CDH12: variants seen among roughly 807,000 people sequenced by gnomAD.
The protein encoded by CDH12 is cadherin-12.
A neutral mutation model predicts 74.1 loss-of-function variants in CDH12; 41 were observed. The observed-to-expected ratio is 0.55, with a 90% CI of 0.43 to 0.72. CDH12 has a LOEUF of 0.72. CDH12 is among the 30% of genes least tolerant of loss of function. The pLI is 0.00. For missense variants in CDH12, 945 were observed against 977.2 expected (o/e 0.97, Z 0.44); for synonymous variants, 399 against 355.0 (o/e 1.12, Z -1.39).
chr5:22,506,098 G>A (rs1017362159), intron 1 of CDH12, among the ~76,000 whole-genome samples: 13 of 152,086 alleles, frequency 8.5e-5, no homozygotes, highest in South Asian at 2.1e-4. Flanking sequence ...ATTTTGATCA[G>A]CTGACTGGGG....
At chr5:22,538,874 G>A (rs1276029555) in intron 1 of CDH12, among the ~76,000 whole-genome samples, 1 of 152,068 alleles carries the variant, frequency 6.6e-6, no homozygotes, top group Non-Finnish European at 1.5e-5. Flanking sequence ...CATATAATAA[G>A]GTATGCAACT....
chr5:22,811,506 A>AATAGAGG (rs1306812612), intron 1 of CDH12, among the ~76,000 whole-genome samples: 2 of 152,178 alleles, frequency 1.3e-5, no homozygotes, highest in East Asian at 3.9e-4. Flanking sequence ...CCAGTGATAA[A>AATAGAGG]ATAGAGGCAT....
intron 2 of CDH12, among the ~76,000 whole-genome samples, chr5:22,498,737 A>T (rs927619211): frequency 6.6e-6 from 1 of 151,862 alleles, no homozygotes; most frequent in Non-Finnish European, 1.5e-5. Flanking sequence ...TAATTGTATA[A>T]GTTTACAGGG....
chr5:22,374,702 T>C (rs1348361143), intron 3 of CDH12, among the ~76,000 whole-genome samples: 3 of 151,846 alleles, frequency 2.0e-5, no homozygotes, highest in Non-Finnish European at 4.4e-5. Context: ...GGCAATATCA[T>C]TAACAATAAC....
intron 3 of CDH12, among the ~76,000 whole-genome samples, chr5:22,393,563 A>G (rs778978730): frequency 1.4e-4 from 21 of 152,080 alleles, no homozygotes; most frequent in Non-Finnish European, 2.9e-4. Context: ...AATACCGAAA[A>G]ATGTGGCTTT....
chr5:22,676,881 A>C (rs1741219753), intron 1 of CDH12, among the ~76,000 whole-genome samples: 1 of 152,192 alleles, frequency 6.6e-6, no homozygotes, highest in Non-Finnish European at 1.5e-5. Flanking sequence ...TGTTCTAATA[A>C]TTACAAATAG....
At chr5:22,048,982 A>T (rs1055411043) in intron 5 of CDH12, among the ~76,000 whole-genome samples, 3 of 152,126 alleles carry the variant, frequency 2.0e-5, no homozygotes, top group Non-Finnish European at 4.4e-5. Flanking sequence ...CTATATTTTT[A>T]TTATTTATGA....
intron 5 of CDH12, among the ~76,000 whole-genome samples, chr5:22,033,371 A>G (rs1025375972): frequency 1.3e-5 from 2 of 152,218 alleles, no homozygotes; most frequent in African/African-American, 2.4e-5. Context: ...TGGGTTTTCC[A>G]TTATCTCAAC....
intron 1 of CDH12, among the ~76,000 whole-genome samples, chr5:22,779,999 A>T (rs1338176429): frequency 6.6e-6 from 1 of 152,218 alleles, no homozygotes. Flanking sequence ...CATCTTCTTT[A>T]TAACAGTGTA....
chr5:22,016,409 T>G (rs571933165), intron 5 of CDH12, among the ~76,000 whole-genome samples: 67 of 152,098 alleles, frequency 4.4e-4, no homozygotes, highest in Non-Finnish European at 6.6e-4. Flanking sequence ...TTGTTTGTTT[T>G]TTTTGGAGAT....
In CDH12 at chr5:22,469,843, A is replaced by G. The variant is rs149252016; in HGVS notation, c.-428+35427T>C. 1.4e-3 allele frequency among the ~76,000 whole-genome samples: 208 copies of G among 152,352 alleles called. 1 individual carries two copies. The highest frequency in any genetic ancestry group is 4.6e-3 in the Admixed American group (70 of 15,304). On this transcript the variant is annotated intron_variant, in intron 2 of 14. Coordinates refer to ENST00000382254, the MANE Select transcript of CDH12 (RefSeq NM_004061.5). ...AAACACTCTCCTTGGTAGGAAACAC[A>G]AAAGTCCTTACTGTGCAATCTCATA...
At chr5:22,240,528 A>C (rs1187352968) in intron 3 of CDH12, among the ~76,000 whole-genome samples, 1 of 152,144 alleles carries the variant, frequency 6.6e-6, no homozygotes, top group African/African-American at 2.4e-5. Context: ...GAATACTTTG[A>C]AAGTAATTTT....
intron 4 of CDH12, among the ~76,000 whole-genome samples, chr5:22,135,485 A>G (rs1437349627): frequency 1.3e-5 from 2 of 152,042 alleles, no homozygotes; most frequent in Non-Finnish European, 2.9e-5. Context: ...ATTAATTCTG[A>G]TATTTTTATT....
At chr5:22,263,225 A>C (rs1475699109) in intron 3 of CDH12, among the ~76,000 whole-genome samples, 1 of 152,168 alleles carries the variant, frequency 6.6e-6, no homozygotes, top group African/African-American at 2.4e-5. Flanking sequence ...TTTGGGAAAG[A>C]AAAAGCTTGA....
At chr5:22,585,374 GCT>G (rs1351835151) in intron 1 of CDH12, among the ~76,000 whole-genome samples, 1 of 152,056 alleles carries the variant, frequency 6.6e-6, no homozygotes, top group African/African-American at 2.4e-5. Context: ...TAGGCATAGA[GCT>G]CTTTTTTTTA....
At chr5:22,687,314 A>T (rs915860340) in intron 1 of CDH12, among the ~76,000 whole-genome samples, 2 of 152,186 alleles carry the variant, frequency 1.3e-5, no homozygotes, top group Admixed American at 1.3e-4. Flanking sequence ...AAGAAATAAA[A>T]AAATGAAAAA....
intron 3 of CDH12, among the ~76,000 whole-genome samples, chr5:22,222,975 A>G (rs542887319): frequency 4.7e-4 from 72 of 152,016 alleles, no homozygotes; most frequent in African/African-American, 1.7e-3. Context: ...CTTATATTTA[A>G]TATGTTTTTT....
At chr5:21,851,557 T>G (rs573519343) in intron 7 of CDH12, among the ~76,000 whole-genome samples, 1 of 151,130 alleles carries the variant, frequency 6.6e-6, no homozygotes, top group South Asian at 2.1e-4. Flanking sequence ...TGTTTTATAG[T>G]TGTAGCTACA....
intron 5 of CDH12, among the ~76,000 whole-genome samples, chr5:22,003,508 A>G (rs1736731444): frequency 6.6e-6 from 1 of 152,238 alleles, no homozygotes; most frequent in Admixed American, 6.5e-5. Flanking sequence ...TTCAGAGTAA[A>G]CATTGTTAAT....
Sources: gnomAD v4.1 joint callset for allele counts (sites outside exome capture counted in the v4.1 genomes callset) on GRCh38, gnomAD v4.1.1 for gene constraint, MANE v1.5 for transcripts, NCBI Gene and HGNC (gene_info 2026-07-23, HGNC 2026-07-21) for gene names.